Variants in KDM4C observed in about 807,000 individuals in gnomAD.
KDM4C encodes lysine-specific demethylase 4C.
A neutral mutation model predicts 129.3 loss-of-function variants in KDM4C; 81 were observed. That is an observed-to-expected ratio of 0.63 (90% CI 0.52 to 0.75). KDM4C has a LOEUF of 0.75. Among genes scored for constraint, KDM4C ranks in the 30% least tolerant of loss-of-function variants. KDM4C has a pLI of 0.00. For missense variants in KDM4C, 1,457 were observed against 1,304.0 expected (o/e 1.12, Z -1.81); for synonymous variants, 573 against 456.1 (o/e 1.26, Z -3.26).
chr9:6,806,900 C>CCCTCTG (rs1434268004), intron 3 of KDM4C, among the ~76,000 whole-genome samples: 2 of 151,610 alleles, frequency 1.3e-5, no homozygotes, highest in African/African-American at 4.9e-5. Context: ...CTCTCCCTCT[C>CCCTCTG]CCTCTCCCTC....
chr9:7,150,426 C>G (rs755860189), intron 19 of KDM4C, among the ~76,000 whole-genome samples: 5 of 152,210 alleles, frequency 3.3e-5, no homozygotes, highest in Non-Finnish European at 7.3e-5. Flanking sequence ...CTTTGCCTAA[C>G]TACCTACAGT....
At chr9:7,018,550 C>T (rs1017283130) in intron 15 of KDM4C, among the ~76,000 whole-genome samples, 15 of 152,222 alleles carry the variant, frequency 9.9e-5, no homozygotes, top group African/African-American at 3.4e-4. Context: ...TTATCTCCTT[C>T]GCCCTGAATC....
rs377008066 is a variant in KDM4C, at chr9:6,848,235, A to G, written c.436-1272A>G. Among the ~76,000 whole-genome samples the G allele has an allele frequency of 2.0e-5, 3 of 152,298 alleles. No individual in the cohort carries two copies. The South Asian group carries it at 6.2e-4, about 32-fold the overall frequency. ...AGTGCATTAGCACGAAAAGGTTGGA[A>G]TGGCTTTAAAGGCATTTCAGTTTCC... On this transcript the variant is annotated intron_variant, in intron 4 of 21. Coordinates refer to ENST00000381309, the MANE Select transcript of KDM4C (RefSeq NM_015061.6).
chr9:6,857,946 T>TTTTTA (rs555121528), intron 5 of KDM4C, among the ~76,000 whole-genome samples: 1 of 140,272 alleles, frequency 7.1e-6, no homozygotes, highest in East Asian at 2.0e-4. Context: ...TTTTTTTTTT[T>TTTTTA]AGAGATGGGG....
At chr9:6,854,308 C>G (rs920020163) in intron 5 of KDM4C, among the ~76,000 whole-genome samples, 3 of 152,122 alleles carry the variant, frequency 2.0e-5, no homozygotes, top group Non-Finnish European at 1.5e-5. Context: ...GCGGGCGGAT[C>G]ACCTGAGGTC....
intron 8 of KDM4C, among the ~76,000 whole-genome samples, chr9:6,912,609 G>A (rs1819538830): frequency 6.6e-6 from 1 of 152,170 alleles, no homozygotes; most frequent in African/African-American, 2.4e-5. Context: ...TATCTGAAGG[G>A]TAATAAATAT....
chr9:7,012,016 A>G (rs1320926780), intron 13 of KDM4C, 137 bp downstream of exon 13: 4 of 648,614 alleles, frequency 6.2e-6, no homozygotes, highest in Admixed American at 2.9e-5. Context: ...GATGGCTTTC[A>G]TAGAACCACA....
intron 8 of KDM4C, among the ~76,000 whole-genome samples, chr9:6,972,557 C>A (rs1485304382): frequency 2.0e-5 from 3 of 152,090 alleles, no homozygotes; most frequent in Non-Finnish European, 4.4e-5. Flanking sequence ...ATAGGTTATT[C>A]ATATTTTAAA....
chr9:7,080,626 A>G (rs750678251), intron 17 of KDM4C, among the ~76,000 whole-genome samples: 12 of 152,196 alleles, frequency 7.9e-5, no homozygotes, highest in Non-Finnish European at 1.3e-4. Context: ...GCCTTTGTCT[A>G]TTGGGTTTTA....
chr9:6,799,274 C>T (rs1308066910), intron 2 of KDM4C, among the ~76,000 whole-genome samples: 1 of 152,198 alleles, frequency 6.6e-6, no homozygotes, highest in Non-Finnish European at 1.5e-5. Context: ...GCCTGGGCAC[C>T]ATTGAGCACT....
intron 5 of KDM4C, among the ~76,000 whole-genome samples, chr9:6,852,301 C>G (rs564096864): frequency 2.0e-5 from 3 of 152,272 alleles, no homozygotes; most frequent in Non-Finnish European, 1.5e-5. Flanking sequence ...TTTGGCAGAG[C>G]TTAGGACACG....
chr9:6,825,167 AAGAT>A lies in KDM4C; in HGVS notation c.435+10425_435+10428del, dbSNP rs1226973701. Among the ~76,000 whole-genome samples the A allele has an allele frequency of 1.8e-3, 267 of 151,784 alleles. 1 individual carries two copies. Among genetic ancestry groups the A allele is most frequent in the Non-Finnish European group, 2.5e-3 (171 of 67,856 alleles). On this transcript the variant is annotated intron_variant, in intron 4 of 21. Transcript: ENST00000381309. ...GTCTCAAAAAAAAAAAAAAAAAAAA[AAGAT>A]AGCTGGATTTTTATATCAGCTTCTA...
chr9:6,950,074 C>CTT (rs1461220158), intron 8 of KDM4C, among the ~76,000 whole-genome samples: 12 of 48,580 alleles, frequency 2.5e-4, no homozygotes, highest in African/African-American at 8.2e-4. Flanking sequence ...AGTATCTTTT[C>CTT]TTGTTTTTTT....
At chr9:6,956,997 C>T (rs1829179101) in intron 8 of KDM4C, among the ~76,000 whole-genome samples, 1 of 152,156 alleles carries the variant, frequency 6.6e-6, no homozygotes, top group African/African-American at 2.4e-5. Flanking sequence ...GTCTTTCTCA[C>T]AGTTGCAGCT....
chr9:6,891,296 A>G (rs904329767), intron 7 of KDM4C, among the ~76,000 whole-genome samples: 1 of 152,240 alleles, frequency 6.6e-6, no homozygotes, highest in Non-Finnish European at 1.5e-5. Flanking sequence ...CAAGTGTGAT[A>G]TATTTTATGT....
chr9:7,091,893 T>C (rs964267932), intron 17 of KDM4C, among the ~76,000 whole-genome samples: 2 of 152,220 alleles, frequency 1.3e-5, no homozygotes, highest in Non-Finnish European at 2.9e-5. Context: ...ATGCTTGTCC[T>C]GACACAGGTC....
At position 7,075,839 on chromosome 9, in the gene KDM4C, T is replaced by G. The variant is rs185696853; in HGVS notation, c.2424+26639T>G. ...TTTTTTTTCTTTTTTTGAGACAGAG[T>G]TTCACTCCTGTCACCCAGGCTGGAG... On this transcript the variant is annotated intron_variant, in intron 17 of 21. Transcript: ENST00000381309. Among the ~76,000 whole-genome samples, 479 of 151,852 alleles carry G rather than the reference T, an allele frequency of 3.2e-3. 6 individuals carry two copies. Among genetic ancestry groups the G allele is most frequent in the Non-Finnish European group, 2.4e-3 (162 of 67,918 alleles).
In KDM4C at chr9:7,011,699, A is replaced by C. The variant is rs904021563; in HGVS notation, c.1788A>C (p.Glu596Asp). 1 of 1,613,898 alleles carries C rather than the reference A, an allele frequency of 6.2e-7. No individual in the cohort carries two copies. Among genetic ancestry groups the C allele is most frequent in the Non-Finnish European group, 8.5e-7 (1 of 1,179,936 alleles). ...LVKQQAPSDE[E>D]LPEVLSIEEE... ...TATTTTCCTGCCTTCTCCCTTAAGA[A>C]TTGCCTGAGGTTCTGTCCATTGAGG... The change falls in exon 13 of 22, where the codon GAA (glutamate) becomes GAC (aspartate). Residue 596 changes from glutamate to aspartate, a missense_variant and splice_region_variant. By Grantham distance (45) the Glu-to-Asp change is conservative. Coordinates refer to ENST00000381309, the MANE Select transcript of KDM4C (RefSeq NM_015061.6).
intron 17 of KDM4C, among the ~76,000 whole-genome samples, chr9:7,066,221 G>C (rs1832404472): frequency 6.6e-6 from 1 of 152,036 alleles, no homozygotes; most frequent in Non-Finnish European, 1.5e-5. Context: ...ATGGTGGCTT[G>C]CATTCAATGA....
Sources: gnomAD v4.1 joint callset for allele counts (sites outside exome capture counted in the v4.1 genomes callset) on GRCh38, gnomAD v4.1.1 for gene constraint, MANE v1.5 for transcripts, NCBI Gene and HGNC (gene_info 2026-07-23, HGNC 2026-07-21) for gene names.